NOX4: variants seen among roughly 807,000 people sequenced by gnomAD.
NOX4 encodes NADPH oxidase 4, also known as kidney oxidase-1.
NOX4 carries 69 observed loss-of-function variants against 87.6 expected under a neutral mutation model. The observed-to-expected ratio is 0.79, with a 90% confidence interval of 0.65 to 0.96. The LOEUF is 0.96. NOX4 is among the 40% of genes least tolerant of loss of function. NOX4 has a pLI of 0.00. For missense variants in NOX4, 680 were observed against 681.5 expected, an observed-to-expected ratio of 1.00 and a Z score of 0.02; for synonymous variants, 275 against 238.2, an observed-to-expected ratio of 1.15 and a Z score of -1.42.
chr11:89,407,110 C>A lies in NOX4; in HGVS notation c.630-4568G>T, dbSNP rs561471589. On this transcript the variant is annotated intron_variant, in intron 8 of 17. Transcript: ENST00000263317. ...ACCTCTGCATCCCTCTAATACTTTT[C>A]TTGCACATAATAGATCTCTAATGCA... 6.4e-4 allele frequency among the ~76,000 whole-genome samples: 98 copies of A among 152,196 alleles called. 1 individual carries two copies. Among genetic ancestry groups the A allele is most frequent in the African/African-American group, 2.2e-3 (90 of 41,568 alleles).
At chr11:89,368,400 T>C (rs1432211006) in intron 12 of NOX4, among the ~76,000 whole-genome samples, 1 of 152,090 alleles carries the variant, frequency 6.6e-6, no homozygotes, top group Non-Finnish European at 1.5e-5. Flanking sequence ...GAAATTTATT[T>C]ATCACAGTTC....
the NOX4 span, among the ~76,000 whole-genome samples, chr11:89,578,606 T>A: frequency 1.3e-5 from 2 of 152,212 alleles, no homozygotes; most frequent in African/African-American, 4.8e-5. Context: ...TTGTAAATGG[T>A]ACAATCAGTT....
At chr11:89,367,522 C>T (rs1229226374) in intron 12 of NOX4, among the ~76,000 whole-genome samples, 1 of 152,042 alleles carries the variant, frequency 6.6e-6, no homozygotes, top group Non-Finnish European at 1.5e-5. Flanking sequence ...AGTGATATTG[C>T]TCAGTCTTAT....
At chr11:89,340,799 G>A (rs1190387566) in intron 14 of NOX4, among the ~76,000 whole-genome samples, 1 of 152,050 alleles carries the variant, frequency 6.6e-6, no homozygotes, top group Non-Finnish European at 1.5e-5. Flanking sequence ...CATAACATTA[G>A]GTGTCCAAAT....
chr11:89,570,818 C>A, the NOX4 span, among the ~76,000 whole-genome samples: 289 of 152,198 alleles, frequency 1.9e-3, 2 homozygotes, highest in African/African-American at 6.6e-3. Context: ...ACAGCAAGAC[C>A]CTATCTCAAA....
chr11:89,583,958 A>G, the NOX4 span, among the ~76,000 whole-genome samples: 2 of 152,180 alleles, frequency 1.3e-5, no homozygotes, highest in Non-Finnish European at 2.9e-5. Context: ...AACTGAATGT[A>G]TATCTGAAAT....
chr11:89,439,031 C>T (rs570057099), intron 6 of NOX4, among the ~76,000 whole-genome samples: 129 of 114,644 alleles, frequency 1.1e-3, no homozygotes, highest in African/African-American at 4.0e-3. Flanking sequence ...CATAATAGTG[C>T]TAATAGTAAC....
chr11:89,584,261 T>C, the NOX4 span, among the ~76,000 whole-genome samples: 2 of 152,178 alleles, frequency 1.3e-5, no homozygotes, highest in Admixed American at 1.3e-4. Context: ...AAACTAAATA[T>C]GAGTCTTTAT....
At chr11:89,474,770 A>G (rs1448048459) in intron 2 of NOX4, among the ~76,000 whole-genome samples, 1 of 152,022 alleles carries the variant, frequency 6.6e-6, no homozygotes, top group Admixed American at 6.6e-5. Context: ...AGTGTTTAAT[A>G]TACAGAATCA....
chr11:89,384,339 TG>T (rs1940525935), intron 11 of NOX4, among the ~76,000 whole-genome samples: 1 of 152,152 alleles, frequency 6.6e-6, no homozygotes, highest in Non-Finnish European at 1.5e-5. Flanking sequence ...GCAAATTACC[TG>T]GGCTGTACTG....
intron 4 of NOX4, 98 bp from the exon 5 acceptor site, chr11:89,444,330 C>T: frequency 2.3e-6 from 2 of 875,056 alleles, no homozygotes; most frequent in Admixed American, 2.1e-5. Context: ...CAGGGCCAAA[C>T]TTTGACAGCT....
chr11:89,556,983 G>A, the NOX4 span: 2 of 152,128 alleles, frequency 1.3e-5, no homozygotes, highest in Admixed American at 6.6e-5. Flanking sequence ...CACACGTGCA[G>A]TCATATTACC....
chr11:89,512,643 T>A, the NOX4 span, among the ~76,000 whole-genome samples: 3 of 152,286 alleles, frequency 2.0e-5, no homozygotes, highest in African/African-American at 7.2e-5. Context: ...TGTATGTATT[T>A]ACCATATTTT....
In NOX4 at chr11:89,485,269, C is replaced by G. The variant is rs1338441438; in HGVS notation, c.153+5189G>C. On this transcript the variant is annotated intron_variant, in intron 2 of 17. Coordinates refer to ENST00000263317, the MANE Select transcript of NOX4 (RefSeq NM_016931.5). ...GTTTAAAAAAAGCTTCAAGATCATGCAGCAGATCTAAAACAATATTTGTGA... is the reference window on the plus strand; with the variant it reads ...GTTTAAAAAAAGCTTCAAGATCATGGAGCAGATCTAAAACAATATTTGTGA... Among the ~76,000 whole-genome samples, 3 of 151,978 alleles carry G rather than the reference C, an allele frequency of 2.0e-5. No individual in the cohort carries two copies. In the East Asian group the frequency reaches 5.8e-4, roughly 29 times the overall value.
the NOX4 span, among the ~76,000 whole-genome samples, chr11:89,560,362 T>C: frequency 6.6e-6 from 1 of 152,136 alleles, no homozygotes; most frequent in African/African-American, 2.4e-5. Context: ...ACCTTTGATT[T>C]TTTAGCCCCC....
intron 2 of NOX4, among the ~76,000 whole-genome samples, chr11:89,463,818 G>T (rs1266114245): frequency 1.3e-5 from 2 of 151,866 alleles, no homozygotes; most frequent in Admixed American, 6.6e-5. Context: ...ATCTAAAAAA[G>T]ATTAAACATG....
At chr11:89,389,644 G>C (rs574357075) in intron 11 of NOX4, among the ~76,000 whole-genome samples, 1 of 152,104 alleles carries the variant, frequency 6.6e-6, no homozygotes. Flanking sequence ...ACCTCAGTTC[G>C]AAATGGTAAT....
In NOX4 at chr11:89,399,979, C is replaced by A. The variant is rs781373319; in HGVS notation, c.1074+38G>T. ...CAAAAAAAGAAAAATATGCATAGCACCCTACAAATGTGAAAAAGCAAGAGA... is the reference window on the plus strand; with the variant it reads ...CAAAAAAAGAAAAATATGCATAGCAACCTACAAATGTGAAAAAGCAAGAGA... On this transcript the variant is annotated intron_variant, in intron 11 of 17. Coordinates refer to ENST00000263317, the MANE Select transcript of NOX4 (RefSeq NM_016931.5). 4.8e-5 allele frequency: 72 copies of A among 1,500,326 alleles called. No homozygotes were observed. In the Admixed American group the frequency reaches 1.3e-3, roughly 27 times the overall value. The allele number at this position is 1,500,326 out of a possible 1,614,324, so 92.9% of individuals were successfully genotyped here.
the NOX4 span, chr11:89,577,519 C>T: frequency 1.4e-4 from 22 of 152,204 alleles, no homozygotes; most frequent in Non-Finnish European, 2.5e-4. Context: ...TGCCATTTGA[C>T]AAATAACCCA....
Sources: gnomAD v4.1 joint callset for allele counts (sites outside exome capture counted in the v4.1 genomes callset) on GRCh38, gnomAD v4.1.1 for gene constraint, MANE v1.5 for transcripts, NCBI Gene and HGNC (gene_info 2026-07-23, HGNC 2026-07-21) for gene names.